PPFIA2: variants seen among roughly 807,000 people sequenced by gnomAD.
PPFIA2 encodes PPFI scaffold protein A2.
Under a neutral mutation model 175.5 loss-of-function variants are expected in PPFIA2, and 46 were observed. The ratio of observed to expected loss-of-function variants is 0.26; its 90% CI spans 0.21 to 0.34. The LOEUF (loss-of-function observed/expected upper bound fraction) is 0.34. Ranked by LOEUF, PPFIA2 falls within the 10% of genes least tolerant of loss-of-function variation. The pLI is 1.00. For missense variants in PPFIA2, 1,179 were observed against 1,506.1 expected (o/e 0.78, Z 3.60); for synonymous variants, 568 against 511.4 (o/e 1.11, Z -1.49).
intron 4 of PPFIA2, among the ~76,000 whole-genome samples, chr12:81,573,915 G>C (rs1379014753): frequency 6.6e-6 from 1 of 151,732 alleles, no homozygotes; most frequent in Non-Finnish European, 1.5e-5. Context: ...AAAGAAAAAA[G>C]AAACAATTTG....
intron 4 of PPFIA2, among the ~76,000 whole-genome samples, chr12:81,618,436 T>C (rs2061636358): frequency 6.7e-6 from 1 of 148,760 alleles, no homozygotes; most frequent in Non-Finnish European, 1.5e-5. Flanking sequence ...ATTTAAAAGG[T>C]AGAGAAAACT....
chr12:81,416,607 A>G (rs1184106903), intron 7 of PPFIA2, among the ~76,000 whole-genome samples: 2 of 151,758 alleles, frequency 1.3e-5, no homozygotes, highest in Non-Finnish European at 3.0e-5. Flanking sequence ...AACAGAACTT[A>G]CTGAAGGTAT....
At chr12:81,629,416 G>T (rs535625681) in intron 4 of PPFIA2, among the ~76,000 whole-genome samples, 151 of 152,020 alleles carry the variant, frequency 9.9e-4, no homozygotes, top group Middle Eastern at 3.4e-3. Flanking sequence ...TTAATTTTTT[G>T]GGGTTGGGGG....
At chr12:81,487,550 G>A (rs1366247178) in intron 4 of PPFIA2, among the ~76,000 whole-genome samples, 1 of 151,710 alleles carries the variant, frequency 6.6e-6, no homozygotes, top group Non-Finnish European at 1.5e-5. Context: ...GGAGGGCCTT[G>A]TCACTGGCGA....
At chr12:81,542,472 A>C (rs2066369548) in intron 4 of PPFIA2, among the ~76,000 whole-genome samples, 1 of 152,152 alleles carries the variant, frequency 6.6e-6, no homozygotes, top group Non-Finnish European at 1.5e-5. Context: ...GATACGTAGA[A>C]GTTTTTATAA....
chr12:81,559,173 C>A (rs1460080182), intron 4 of PPFIA2, among the ~76,000 whole-genome samples: 1 of 152,142 alleles, frequency 6.6e-6, no homozygotes, highest in Non-Finnish European at 1.5e-5. Flanking sequence ...GGTACTCTAA[C>A]TGATAGAAAA....
intron 7 of PPFIA2, among the ~76,000 whole-genome samples, chr12:81,421,365 G>T (rs2046211241): frequency 6.6e-6 from 1 of 151,964 alleles, no homozygotes; most frequent in Non-Finnish European, 1.5e-5. Context: ...AATATAAAAA[G>T]AAACTCTAAC....
At position 81,433,454 on chromosome 12, in the gene PPFIA2, C is replaced by A. The variant is rs142550888; in HGVS notation, c.645+6518G>T. On this transcript the variant is annotated intron_variant, in intron 7 of 32. Transcript: ENST00000549396. ...GTTAGTTATACGTGTATACGTCTGT[C>A]TCTTTCACTAGAGGGCAAGTTATAT... Among the ~76,000 whole-genome samples the A allele has an allele frequency of 2.6e-3, 394 of 152,260 alleles. 1 individual carries two copies. The highest frequency in any genetic ancestry group is 9.1e-3 in the African/African-American group (380 of 41,552).
intron 4 of PPFIA2, among the ~76,000 whole-genome samples, chr12:81,465,011 T>C (rs1372965307): frequency 2.6e-5 from 4 of 152,136 alleles, no homozygotes; most frequent in Non-Finnish European, 5.9e-5. Context: ...TTTGATTTAA[T>C]AGGTAAGTCC....
At chr12:81,648,066 A>G (rs1038379459) in intron 4 of PPFIA2, among the ~76,000 whole-genome samples, 1 of 150,696 alleles carries the variant, frequency 6.6e-6, no homozygotes, top group African/African-American at 2.4e-5. Context: ...AATTACAGAA[A>G]AAGTATAATA....
At chr12:81,402,371 A>T (rs1307958970) in intron 8 of PPFIA2, among the ~76,000 whole-genome samples, 1 of 152,182 alleles carries the variant, frequency 6.6e-6, no homozygotes, top group East Asian at 1.9e-4. Flanking sequence ...TTAGGCTTTA[A>T]ATTACAATCC....
At chr12:81,263,414 T>C (rs1335175357) in intron 30 of PPFIA2, 24 bp from the exon 31 acceptor site, 2 of 1,601,814 alleles carry the variant, frequency 1.2e-6, no homozygotes, top group Admixed American at 3.4e-5. Context: ...TATAAGGTGA[T>C]GTTATGAAAA....
intron 2 of PPFIA2, among the ~76,000 whole-genome samples, chr12:81,757,768 CA>C (rs928859194): frequency 1.5e-4 from 23 of 152,142 alleles, no homozygotes; most frequent in African/African-American, 5.1e-4. Flanking sequence ...GAGAGTGCTA[CA>C]AAAAGCTTTT....
At chr12:81,688,882 C>T (rs555867918) in intron 3 of PPFIA2, among the ~76,000 whole-genome samples, 20 of 146,970 alleles carry the variant, frequency 1.4e-4, no homozygotes, top group Non-Finnish European at 1.3e-4. Flanking sequence ...TTTATTTAAC[C>T]GTATCTCTCC....
intron 15 of PPFIA2, among the ~76,000 whole-genome samples, chr12:81,361,864 T>C (rs575686939): frequency 3.2e-4 from 49 of 151,738 alleles, no homozygotes; most frequent in Middle Eastern, 3.4e-3. Context: ...TTATTCTGTG[T>C]TGCCTAGTAA....
intron 4 of PPFIA2, among the ~76,000 whole-genome samples, chr12:81,500,792 T>A (rs1239538693): frequency 6.6e-6 from 1 of 152,186 alleles, no homozygotes; most frequent in Non-Finnish European, 1.5e-5. Flanking sequence ...GTGACTTGTA[T>A]CTCTAAACCA....
intron 4 of PPFIA2, among the ~76,000 whole-genome samples, chr12:81,645,508 G>C (rs1472371084): frequency 6.6e-6 from 1 of 152,222 alleles, no homozygotes; most frequent in Non-Finnish European, 1.5e-5. Context: ...TACTTCGGAT[G>C]TAAAAAGTGT....
intron 4 of PPFIA2, among the ~76,000 whole-genome samples, chr12:81,578,163 A>T (rs1333485677): frequency 6.6e-6 from 1 of 151,696 alleles, no homozygotes; most frequent in Non-Finnish European, 1.5e-5. Context: ...GTTTGTGAGC[A>T]ATCAAGAGAG....
intron 4 of PPFIA2, among the ~76,000 whole-genome samples, chr12:81,583,785 G>A (rs1178567620): frequency 6.6e-6 from 1 of 151,856 alleles, no homozygotes; most frequent in African/African-American, 2.4e-5. Flanking sequence ...AGAACTTCAA[G>A]AAGGTAAAGA....
Sources: allele counts gnomAD v4.1 joint callset (sites outside exome capture counted in the v4.1 genomes callset), GRCh38; gene constraint gnomAD v4.1.1; transcripts MANE v1.5; gene names NCBI Gene and HGNC (gene_info 2026-07-23, HGNC 2026-07-21).